The following OTOGL variants were observed in gnomAD, a reference collection of about 807,000 sequenced individuals.
OTOGL encodes otogelin like, also known as otogelin-like protein.
In OTOGL, 285 loss-of-function variants were observed where a neutral mutation model predicts 318.5. The ratio of observed to expected loss-of-function variants is 0.89; its 90% CI spans 0.81 to 0.99. The LOEUF (loss-of-function observed/expected upper bound fraction) is 0.99. Among genes scored for constraint, OTOGL ranks in the 50% least tolerant of loss-of-function variants. The probability of loss-of-function intolerance (pLI) is 0.00; values close to 1 mark genes in which losing one functional copy is unlikely to be tolerated. For synonymous variants in OTOGL, 987 were observed against 936.5 expected (o/e 1.05, Z -0.99); for missense variants, 2,899 against 2,845.6 (o/e 1.02, Z -0.43).
intron 1 of OTOGL, among the ~76,000 whole-genome samples, chr12:80,197,121 T>C (rs1437212970): frequency 6.6e-6 from 1 of 152,174 alleles, no homozygotes; most frequent in African/African-American, 2.4e-5. Flanking sequence ...TTCAGCCAAT[T>C]GCCAATCAGA....
chr12:80,231,800 A>ATTTT (rs763600811), intron 8 of OTOGL, among the ~76,000 whole-genome samples: 1 of 140,380 alleles, frequency 7.1e-6, no homozygotes, highest in Non-Finnish European at 1.6e-5. Flanking sequence ...TGACCAACTA[A>ATTTT]TTTTTTTTTT....
rs909013059 is a variant in OTOGL, at chr12:80,150,458, T to C, written c.-20+50853T>C. Among the ~76,000 whole-genome samples the C allele has an allele frequency of 7.9e-5, 12 of 152,302 alleles. No individual in the cohort carries two copies. In the South Asian group the frequency reaches 1.2e-3, roughly 16 times the overall value. ...AGTAGTCTGGGAGATCAAAGGGGAA[T>C]GTTAAGGACTCATCCATCGCATTTA... On this transcript the variant is annotated intron_variant, in intron 1 of 58. Transcript: ENST00000547103.
intron 11 of OTOGL, among the ~76,000 whole-genome samples, chr12:80,250,600 C>A (rs1240616287): frequency 7.9e-5 from 12 of 152,040 alleles, no homozygotes; most frequent in Non-Finnish European, 1.6e-4. Flanking sequence ...ATTTTCTGAG[C>A]CTCTAGAGTT....
In OTOGL at chr12:80,147,802, T is replaced by C. The variant is rs1592494539; in HGVS notation, c.-20+48197T>C. Among the ~76,000 whole-genome samples the C allele has an allele frequency of 3.9e-5, 6 of 152,336 alleles. 1 individual carries two copies. Among genetic ancestry groups the C allele is most frequent in the Admixed American group, 3.9e-4 (6 of 15,306 alleles). On this transcript the variant is annotated intron_variant, in intron 1 of 58. Coordinates refer to ENST00000547103, the MANE Select transcript of OTOGL (RefSeq NM_001378609.3). ...TCTTGTTGAATTGATCCCTTTACCA[T>C]TATATAATGGCCTTGTTTGTCTCTT...
At chr12:80,250,564 A>G (rs559702470) in intron 11 of OTOGL, among the ~76,000 whole-genome samples, 1 of 152,288 alleles carries the variant, frequency 6.6e-6, no homozygotes, top group East Asian at 1.9e-4. Context: ...TTTTGAAAAG[A>G]CTTTTCTTAT....
chr12:80,258,459 T>C (rs1307347098), intron 18 of OTOGL, among the ~76,000 whole-genome samples: 1 of 152,182 alleles, frequency 6.6e-6, no homozygotes, highest in Non-Finnish European at 1.5e-5. Flanking sequence ...TTTGGTATTA[T>C]TAATACCTAA....
At chr12:80,276,707 CATT>C (rs1207733334) in intron 24 of OTOGL, among the ~76,000 whole-genome samples, 1 of 151,476 alleles carries the variant, frequency 6.6e-6, no homozygotes, top group African/African-American at 2.4e-5. Flanking sequence ...GAATCGAGGT[CATT>C]GTTGGTCGGA....
At chr12:80,130,343 C>T (rs1181809478) in intron 1 of OTOGL, among the ~76,000 whole-genome samples, 1 of 152,186 alleles carries the variant, frequency 6.6e-6, no homozygotes, top group Non-Finnish European at 1.5e-5. Context: ...GATATAGATG[C>T]TGAGGCCAAT....
At position 80,357,278 on chromosome 12, in the gene OTOGL, T is replaced by G. The variant is rs186535063; in HGVS notation, c.6019+364T>G. Among the ~76,000 whole-genome samples the G allele has an allele frequency of 2.6e-5, 4 of 152,272 alleles. No homozygotes were observed. In the East Asian group the frequency reaches 7.7e-4, roughly 29 times the overall value. ...TTCATAGGACGTCTTTAAAACTTCA[T>G]GTCCTGTATATCATGTTTGAGGTAT... On this transcript the variant is annotated intron_variant, in intron 49 of 58. Coordinates refer to ENST00000547103, the MANE Select transcript of OTOGL (RefSeq NM_001378609.3).
intron 11 of OTOGL, among the ~76,000 whole-genome samples, chr12:80,243,537 A>C (rs534864844): frequency 6.6e-6 from 1 of 151,706 alleles, no homozygotes; most frequent in African/African-American, 2.4e-5. Flanking sequence ...GGAGAGTAAA[A>C]ATATGGTGAA....
chr12:80,275,619 A>G (rs1208807977), intron 24 of OTOGL, among the ~76,000 whole-genome samples: 2 of 151,894 alleles, frequency 1.3e-5, no homozygotes, highest in Non-Finnish European at 2.9e-5. Context: ...ATTTTAGGTA[A>G]AACACTATCA....
intron 1 of OTOGL, among the ~76,000 whole-genome samples, chr12:80,185,884 G>T (rs1183885480): frequency 6.6e-6 from 1 of 152,104 alleles, no homozygotes; most frequent in Non-Finnish European, 1.5e-5. Context: ...AGGATTTGAG[G>T]TGGCACTACA....
At chr12:80,271,422 A>C (rs1418796065) in intron 23 of OTOGL, among the ~76,000 whole-genome samples, 1 of 152,170 alleles carries the variant, frequency 6.6e-6, no homozygotes, top group Non-Finnish European at 1.5e-5. Flanking sequence ...TTAAAAATTG[A>C]TAACATATGC....
chr12:80,266,348 G>A, intron 20 of OTOGL, 103 bp from the exon 21 acceptor site: 1 of 1,235,686 alleles, frequency 8.1e-7, no homozygotes, highest in Non-Finnish European at 1.1e-6. Context: ...TCCTTGCCTT[G>A]TAACAGGCCA....
chr12:80,330,942 C>A (rs868849191), intron 37 of OTOGL, among the ~76,000 whole-genome samples: 2 of 151,954 alleles, frequency 1.3e-5, no homozygotes, highest in Non-Finnish European at 2.9e-5. Context: ...AAATTTGTAC[C>A]ATAAAAGCTA....
chr12:80,276,263 T>C (rs1251470021), intron 24 of OTOGL, among the ~76,000 whole-genome samples: 4 of 151,646 alleles, frequency 2.6e-5, no homozygotes, highest in Non-Finnish European at 4.4e-5. Context: ...TGTTAAGCTA[T>C]AGGAATGGGG....
intron 1 of OTOGL, among the ~76,000 whole-genome samples, chr12:80,148,660 G>A (rs1033390154): frequency 6.6e-6 from 1 of 152,126 alleles, no homozygotes; most frequent in East Asian, 1.9e-4. Context: ...TTTCAACTTG[G>A]TTCCATTCTC....
chr12:80,123,860 C>G (rs1870640545), intron 1 of OTOGL, among the ~76,000 whole-genome samples: 1 of 152,104 alleles, frequency 6.6e-6, no homozygotes, highest in Admixed American at 6.6e-5. Context: ...CTGTTCATAT[C>G]CTTCGCCCAC....
At chr12:80,373,524 G>T (rs545266154) in intron 57 of OTOGL, among the ~76,000 whole-genome samples, 1 of 152,068 alleles carries the variant, frequency 6.6e-6, no homozygotes, top group South Asian at 2.1e-4. Flanking sequence ...TCTTGAGGAA[G>T]ATTTCTGAAT....
Sources: gnomAD v4.1 joint callset for allele counts (sites outside exome capture counted in the v4.1 genomes callset) on GRCh38, gnomAD v4.1.1 for gene constraint, MANE v1.5 for transcripts, NCBI Gene and HGNC (gene_info 2026-07-23, HGNC 2026-07-21) for gene names.